Variants in TNIK observed in about 807,000 individuals in gnomAD.
TNIK encodes the protein TRAF2 and NCK-interacting protein kinase.
Under a neutral mutation model 191.3 loss-of-function variants are expected in TNIK, and 49 were observed. The ratio of observed to expected loss-of-function variants is 0.26; its 90% CI spans 0.20 to 0.32. TNIK has a LOEUF of 0.32. TNIK is among the 10% of genes least tolerant of loss of function. TNIK has a pLI of 1.00. For missense variants in TNIK, 1,155 were observed against 1,702.3 expected (o/e 0.68, Z 5.66); for synonymous variants, 594 against 600.9 (o/e 0.99, Z 0.17).
At chr3:171,139,316 T>A (rs906457035) in intron 14 of TNIK, among the ~76,000 whole-genome samples, 154 bp downstream of exon 14, 1 of 151,936 alleles carries the variant, frequency 6.6e-6, no homozygotes, top group African/African-American at 2.4e-5. Context: ...GTTTTTGAGG[T>A]CCCTGAGGCT....
chr3:171,339,856 C>G (rs1368918523), intron 2 of TNIK, among the ~76,000 whole-genome samples: 1 of 152,194 alleles, frequency 6.6e-6, no homozygotes, highest in Non-Finnish European at 1.5e-5. Context: ...TGGCATACAC[C>G]AGCTCATGGG....
chr3:171,377,279 A>T (rs750896529), intron 1 of TNIK, among the ~76,000 whole-genome samples: 5 of 152,200 alleles, frequency 3.3e-5, no homozygotes, highest in Admixed American at 6.5e-5. Flanking sequence ...CTCTCAGAAC[A>T]GGGAGACTGG....
chr3:171,360,710 C>T (rs1391239809), intron 2 of TNIK, among the ~76,000 whole-genome samples: 1 of 152,228 alleles, frequency 6.6e-6, no homozygotes, highest in Non-Finnish European at 1.5e-5. Context: ...GGTAACACTA[C>T]CTCTCCCTAG....
At chr3:171,284,753 G>A (rs143524838) in intron 2 of TNIK, among the ~76,000 whole-genome samples, 163 of 152,252 alleles carry the variant, frequency 1.1e-3, no homozygotes, top group African/African-American at 3.6e-3. Context: ...AGCACCTAGA[G>A]CAATACAAAT....
chr3:171,287,211 C>T (rs1025040305), intron 2 of TNIK, among the ~76,000 whole-genome samples: 1 of 151,722 alleles, frequency 6.6e-6, no homozygotes, highest in South Asian at 2.1e-4. Context: ...AAAACAGAAA[C>T]AACAAAAAAA....
At chr3:171,434,442 T>C (rs1033701455) in intron 1 of TNIK, among the ~76,000 whole-genome samples, 30 of 91,990 alleles carry the variant, frequency 3.3e-4, no homozygotes, top group South Asian at 2.0e-3. Context: ...AACTCTTTTT[T>C]ACTTATTTAT....
chr3:171,224,467 C>A (rs1742740726), intron 3 of TNIK, among the ~76,000 whole-genome samples: 1 of 146,556 alleles, frequency 6.8e-6, no homozygotes, highest in Non-Finnish European at 1.5e-5. Flanking sequence ...ACAGGGTTAT[C>A]AAAAAAAAAA....
chr3:171,073,850 A>G (rs914040105), intron 28 of TNIK, among the ~76,000 whole-genome samples: 19 of 151,784 alleles, frequency 1.3e-4, no homozygotes, highest in Non-Finnish European at 2.7e-4. Context: ...AAGGTCAAAA[A>G]AAAAAAAAAA....
At chr3:171,174,636 C>T (rs1735751132) in intron 9 of TNIK, among the ~76,000 whole-genome samples, 1 of 151,870 alleles carries the variant, frequency 6.6e-6, no homozygotes, top group African/African-American at 2.4e-5. Flanking sequence ...GCCGTACCCT[C>T]ACACCACTCA....
chr3:171,307,271 G>A (rs183624363), intron 2 of TNIK, among the ~76,000 whole-genome samples: 98 of 152,278 alleles, frequency 6.4e-4, no homozygotes, highest in Middle Eastern at 6.8e-3. Context: ...AAAGCTGAAA[G>A]TCATGCCAGG....
chr3:171,171,713 T>A (rs1469793402), intron 9 of TNIK, among the ~76,000 whole-genome samples: 3 of 151,940 alleles, frequency 2.0e-5, no homozygotes, highest in Non-Finnish European at 4.4e-5. Flanking sequence ...CGAGGGCAGG[T>A]GAGTGTGGAT....
chr3:171,210,658 C>A (rs1299163666), intron 4 of TNIK, among the ~76,000 whole-genome samples: 1 of 152,152 alleles, frequency 6.6e-6, no homozygotes, highest in Non-Finnish European at 1.5e-5. Context: ...TGGTTAGATC[C>A]TAGATCCATC....
At chr3:171,411,711 A>T (rs1335199003) in intron 1 of TNIK, among the ~76,000 whole-genome samples, 1 of 152,224 alleles carries the variant, frequency 6.6e-6, no homozygotes, top group Admixed American at 6.5e-5. Flanking sequence ...CAGGATGAGA[A>T]ATCAATACTA....
intron 2 of TNIK, among the ~76,000 whole-genome samples, chr3:171,239,928 CG>C (rs1744744387): frequency 6.6e-6 from 1 of 150,922 alleles, no homozygotes. Flanking sequence ...GGGGGAGGGG[CG>C]GGGGTGAAAT....
intron 19 of TNIK, among the ~76,000 whole-genome samples, 171 bp from the exon 20 acceptor site, chr3:171,108,333 A>G (rs1725290804): frequency 6.6e-6 from 1 of 152,218 alleles, no homozygotes; most frequent in South Asian, 2.1e-4. Context: ...TGTTCAGGCA[A>G]ACACATTTAG....
At chr3:171,281,899 C>T (rs764769825) in intron 2 of TNIK, among the ~76,000 whole-genome samples, 55 of 152,240 alleles carry the variant, frequency 3.6e-4, no homozygotes, top group Middle Eastern at 3.4e-3. Context: ...CTTGAGTTAG[C>T]CTTATGAGCA....
At chr3:171,216,236 T>C (rs1452911854) in intron 3 of TNIK, among the ~76,000 whole-genome samples, 1 of 152,160 alleles carries the variant, frequency 6.6e-6, no homozygotes, top group Non-Finnish European at 1.5e-5. Context: ...GTGAAATCCC[T>C]CCCTGCAATA....
chr3:171,094,722 C>A (rs1028305471), intron 22 of TNIK, among the ~76,000 whole-genome samples: 2 of 152,172 alleles, frequency 1.3e-5, no homozygotes, highest in Non-Finnish European at 2.9e-5. Flanking sequence ...TCTCATTCAT[C>A]CTACATGATG....
chr3:171,373,570 T>C (rs1429763556), intron 1 of TNIK, among the ~76,000 whole-genome samples: 2 of 152,336 alleles, frequency 1.3e-5, no homozygotes, highest in East Asian at 3.9e-4. Context: ...TCCATACTGA[T>C]CTTTCTAAAA....
Sources: allele counts gnomAD v4.1 joint callset (sites outside exome capture counted in the v4.1 genomes callset), GRCh38; gene constraint gnomAD v4.1.1; transcripts MANE v1.5; gene names NCBI Gene and HGNC (gene_info 2026-07-23, HGNC 2026-07-21).